HID1: variants seen among roughly 807,000 people sequenced by gnomAD.
HID1 encodes HID1 domain containing, also known as protein HID1.
A neutral mutation model predicts 89.7 loss-of-function variants in HID1; 42 were observed. The ratio of observed to expected loss-of-function variants is 0.47; its 90% CI spans 0.37 to 0.61. The LOEUF is 0.61. HID1 is among the 20% of genes least tolerant of loss of function. The pLI is 0.00. For missense variants in HID1, 854 were observed against 1,039.3 expected, an observed-to-expected ratio of 0.82 and a Z score of 2.45; for synonymous variants, 442 against 433.8, an observed-to-expected ratio of 1.02 and a Z score of -0.24.
Position 74,958,589 on chromosome 17 carries a change from G to A in HID1, c.1240+84C>T, listed in dbSNP as rs1436783590. Reference sequence around the variant, plus strand: ...TAGGAGGTCAGAGTGCCAGGCCTGAGCTCCTGGGAGTCAGGGCAGATAGCC... The same window carrying A: ...TAGGAGGTCAGAGTGCCAGGCCTGAACTCCTGGGAGTCAGGGCAGATAGCC... On this transcript the variant is annotated intron_variant, in intron 10 of 18. Coordinates refer to ENST00000425042, the MANE Select transcript of HID1 (RefSeq NM_030630.3). The surrounding 1 kb of genome is among the most constrained non-coding windows in gnomAD (Gnocchi z 5.2). 1 of 1,578,398 alleles carries A rather than the reference G, an allele frequency of 6.3e-7. No individual in the cohort carries two copies. Among genetic ancestry groups the A allele is most frequent in the Admixed American group, 1.7e-5 (1 of 59,438 alleles).
chr17:74,963,673 C>G, intron 3 of HID1, 67 bp downstream of exon 3: 1 of 1,447,994 alleles, frequency 6.9e-7, no homozygotes, highest in South Asian at 1.3e-5. Flanking sequence ...GCATGGCCGG[C>G]CCTAAAGGGC....
At position 74,963,654 on chromosome 17, in the gene HID1, C is replaced by T. The variant is rs2039518057; in HGVS notation, c.387+86G>A. 3.0e-6 allele frequency: 4 copies of T among 1,339,010 alleles called. No individual in the cohort carries two copies. In the African/African-American group the frequency reaches 5.8e-5, roughly 20 times the overall value. The allele number at this position is 1,339,010 out of a possible 1,614,324, so 82.9% of individuals were successfully genotyped here. A position where few individuals can be genotyped will look rare whatever the true frequency, so the allele number is the denominator to read the frequency against. On this transcript the variant is annotated intron_variant, in intron 3 of 18. Transcript: ENST00000425042. ...TGTACTTCCCAAATCCCAGAAGAGGCTTGGAGGAGCATGGCCGGCCCTAAA... is the reference window on the plus strand; with the variant it reads ...TGTACTTCCCAAATCCCAGAAGAGGTTTGGAGGAGCATGGCCGGCCCTAAA...
At chr17:74,952,453 G>A in intron 16 of HID1, 93 bp from the exon 17 acceptor site, 1 of 838,056 alleles carries the variant, frequency 1.2e-6, no homozygotes, top group Non-Finnish European at 2.0e-6. Context: ...GGCTCCCCAA[G>A]GCAGAAAGTA....
Position 74,959,945 on chromosome 17 carries a change from G to A in HID1, c.952-8C>T. The A allele has an allele frequency of 6.2e-7, 1 of 1,613,722 alleles. No homozygotes were observed. On this transcript the variant is annotated splice_polypyrimidine_tract_variant and splice_region_variant and intron_variant, in intron 7 of 18. Coordinates refer to ENST00000425042, the MANE Select transcript of HID1 (RefSeq NM_030630.3). This position sits in a 1 kb window ranked among gnomAD's most constrained non-coding sequence, Gnocchi z 4.6. ...GTTCTCAGGGCCTGGAGGCTGCCAA[G>A]AGGAGAAGCCCCTGGTGAGCAGGCG...
intron 1 of HID1, among the ~76,000 whole-genome samples, chr17:74,966,639 A>T (rs115842340): frequency 0.022 from 3,424 of 152,228 alleles, 127 homozygotes; most frequent in African/African-American, 0.077. Context: ...TCAGAAAAAA[A>T]TATATATCTT....
Position 74,972,485 on chromosome 17 carries a change from C to T in HID1, c.66+106G>A, listed in dbSNP as rs1054785254. On this transcript the variant is annotated intron_variant, in intron 1 of 18. Coordinates refer to ENST00000425042, the MANE Select transcript of HID1 (RefSeq NM_030630.3). The surrounding 1 kb of genome is among the most constrained non-coding windows in gnomAD (Gnocchi z 6.4). ...GCTGGCCTTGGCGTTACGCTCGGGG[C>T]CCGCCCGTCCCCCCATCTCCCGACG... The T allele has an allele frequency of 2.8e-6, 3 of 1,082,652 alleles. No individual in the cohort carries two copies. The highest frequency in any genetic ancestry group is 2.4e-5 in the Admixed American group (1 of 41,012). 67.1% of individuals were successfully genotyped at this position (1,082,652 alleles called of 1,614,324 possible).
chr17:74,963,306 CTG>C (rs2039513055), intron 3 of HID1: 1 of 542,066 alleles, frequency 1.8e-6, no homozygotes, highest in Non-Finnish European at 3.3e-6. Flanking sequence ...CCCCTACTGA[CTG>C]GAGGGGGCCG....
At chr17:74,961,718 G>T in intron 6 of HID1, 155 bp downstream of exon 6, 1 of 410,682 alleles carries the variant, frequency 2.4e-6, no homozygotes, top group East Asian at 3.6e-5. Flanking sequence ...AAGGAGAGAC[G>T]GGGCTAGTGT....
At chr17:74,951,724 C>A in intron 18 of HID1, 91 bp from the exon 19 acceptor site, 1 of 1,421,270 alleles carries the variant, frequency 7.0e-7, no homozygotes, top group Non-Finnish European at 9.7e-7. Flanking sequence ...GCCAAGCCAA[C>A]CCTTTCCATC....
chr17:74,962,183 C>A lies in HID1; in HGVS notation c.611+51G>T, dbSNP rs1200733252. On this transcript the variant is annotated intron_variant, in intron 5 of 18. Coordinates refer to ENST00000425042, the MANE Select transcript of HID1 (RefSeq NM_030630.3). The surrounding 1 kb of genome is among the most constrained non-coding windows in gnomAD (Gnocchi z 4.3). ...TGGGCTTTCTGAGCTGTGCGGGGGC[C>A]CGGCCCGGGGTCCAGCTGCATTGAG... 3 of 1,484,482 alleles carry A rather than the reference C, an allele frequency of 2.0e-6. No homozygotes were observed. The highest frequency in any genetic ancestry group is 1.8e-5 in the Admixed American group (1 of 56,382). 92.0% of individuals were successfully genotyped at this position (1,484,482 alleles called of 1,614,324 possible).
In HID1 at chr17:74,952,068, G is replaced by A. The variant is rs568710457; in HGVS notation, c.2145-5C>T. ...TCAGACTCATCCGTCAGGCCCCTGC[G>A]GGGAGAGGGGTATCTCCAGCACACT... On this transcript the variant is annotated splice_polypyrimidine_tract_variant and splice_region_variant and intron_variant, in intron 17 of 18. Transcript: ENST00000425042. 9.6e-6 allele frequency: 15 copies of A among 1,555,242 alleles called. No homozygotes were observed. The highest frequency in any genetic ancestry group is 1.2e-5 in the Non-Finnish European group (14 of 1,149,416).
At position 74,953,195 on chromosome 17, in the gene HID1, G is replaced by T. The variant is rs1567956834; in HGVS notation, c.1972-109C>A. 5.1e-6 allele frequency: 5 copies of T among 980,390 alleles called. No homozygotes were observed. The East Asian group carries it at 1.1e-4, about 21-fold the overall frequency. 60.7% of individuals were successfully genotyped at this position (980,390 alleles called of 1,614,324 possible). A position where few individuals can be genotyped will look rare whatever the true frequency, so the allele number is the denominator to read the frequency against. On this transcript the variant is annotated intron_variant, in intron 15 of 18. Transcript: ENST00000425042. ...CAGCTGGAAATCCCACAAAGGGGAA[G>T]GCCCAGCCCAGCAGCCTTTGCCCCA...
rs2039494169 is a variant in HID1, at chr17:74,962,264, G to A, written c.581C>T (p.Pro194Leu). The A allele has an allele frequency of 6.2e-7, 1 of 1,611,578 alleles. No individual in the cohort carries two copies. Among genetic ancestry groups the A allele is most frequent in the Non-Finnish European group, 8.5e-7 (1 of 1,178,084 alleles). The part of the protein sequence containing the change: ...WEAGVGFAHS[P>L]QPNYIHDMNR... The stretch of plus-strand genomic sequence containing the variant: ...CATATCGTGGATGTAGTTAGGCTGG[G>A]GGGAGTGAGCGAAGCCCACACCAGC... Residue 194 changes from proline (P) to leucine (L), a missense_variant, in exon 5 of 19, where the codon CCC becomes CTC. Physicochemically the swap from Pro to Leu is moderately conservative, Grantham distance 98. Transcript: ENST00000425042. The surrounding 1 kb of genome is among the most constrained non-coding windows in gnomAD (Gnocchi z 4.3).
intron 1 of HID1, among the ~76,000 whole-genome samples, chr17:74,970,286 G>A (rs1323007833): frequency 6.6e-6 from 1 of 152,158 alleles, no homozygotes; most frequent in Non-Finnish European, 1.5e-5. Context: ...CAGACCTGGG[G>A]GAGCAGTTGT....
In HID1 at chr17:74,951,396, G is replaced by A; in HGVS notation, c.*174C>T. 1 of 639,402 alleles carries A rather than the reference G, an allele frequency of 1.6e-6. No individual in the cohort carries two copies. Among genetic ancestry groups the A allele is most frequent in the Admixed American group, 2.6e-5 (1 of 38,148 alleles). 39.6% of individuals were successfully genotyped at this position (639,402 alleles called of 1,614,324 possible). ...CCAGCCTAGGGGTTGAGGGGGATCT[G>A]AGCCAGTTCACATTGTCCTGGCCAC... On this transcript the variant is annotated 3_prime_UTR_variant, in exon 19 of 19. Transcript: ENST00000425042.
At chr17:74,960,728 T>C (rs922522145) in intron 6 of HID1, among the ~76,000 whole-genome samples, 1 of 151,016 alleles carries the variant, frequency 6.6e-6, no homozygotes, top group Non-Finnish European at 1.5e-5. Flanking sequence ...GTGGAGGGGG[T>C]CGCCTGGCTC....
At chr17:74,963,140 A>G in intron 3 of HID1, 59 bp from the exon 4 acceptor site, 1 of 1,291,278 alleles carries the variant, frequency 7.7e-7, no homozygotes, top group Non-Finnish European at 1.1e-6. Flanking sequence ...GAGGTGGCCC[A>G]GGGCTTGGGG....
Position 74,962,104 on chromosome 17 carries a change from C to T in HID1, c.612-115G>A. 1.8e-6 allele frequency: 2 copies of T among 1,108,114 alleles called. No individual in the cohort carries two copies. Among genetic ancestry groups the T allele is most frequent in the Non-Finnish European group, 2.6e-6 (2 of 777,464 alleles). The allele number at this position is 1,108,114 out of a possible 1,614,324, so 68.6% of individuals were successfully genotyped here. A position where few individuals can be genotyped will look rare whatever the true frequency, so the allele number is the denominator to read the frequency against. ...TGGAAGGAAGTTACTCCCGTTGACC[C>T]CTGTAAGGTCAAGGTCGGGTCATAG... On this transcript the variant is annotated intron_variant, in intron 5 of 18. Transcript: ENST00000425042. The surrounding 1 kb of genome is among the most constrained non-coding windows in gnomAD (Gnocchi z 4.3).
rs2039381677 is a variant in HID1, at chr17:74,955,838, G to A, written c.1590C>T (p.Phe530=). ...TGTTGTTGAAGACCTCCAGGAGGAAGAAGACCAGGTGGTGGTTCTGGGCGG... is the reference window on the plus strand; with the variant it reads ...TGTTGTTGAAGACCTCCAGGAGGAAAAAGACCAGGTGGTGGTTCTGGGCGG... ...FSAAQNHHLV[F]FLLEVFNNII... The change falls in exon 13 of 19, where the codon TTC becomes TTT. Residue 530 remains phenylalanine (F), a synonymous_variant. Transcript: ENST00000425042. 1 of 1,614,220 alleles carries A rather than the reference G, an allele frequency of 6.2e-7. No individual in the cohort carries two copies.
Sources: allele counts gnomAD v4.1 joint callset (sites outside exome capture counted in the v4.1 genomes callset), GRCh38; gene constraint gnomAD v4.1.1; non-coding constraint Gnocchi (gnomAD v3.1); transcripts MANE v1.5; gene names NCBI Gene and HGNC (gene_info 2026-07-23, HGNC 2026-07-21).